Variants in PRKG1 observed in about 807,000 individuals in gnomAD.
PRKG1 encodes the protein protein kinase cGMP-dependent 1.
In PRKG1, 35 loss-of-function variants were observed where a neutral mutation model predicts 88.1. The observed-to-expected ratio is 0.40, with a 90% CI of 0.30 to 0.53. The LOEUF (loss-of-function observed/expected upper bound fraction) is 0.53. Ranked by LOEUF, PRKG1 falls within the 20% of genes least tolerant of loss-of-function variation. The pLI, the probability that PRKG1 is intolerant of heterozygous loss-of-function variation, is 0.59. For missense variants in PRKG1, 540 were observed against 839.8 expected, an observed-to-expected ratio of 0.64 and a Z score of 4.41; for synonymous variants, 303 against 292.5, an observed-to-expected ratio of 1.04 and a Z score of -0.37.
intron 3 of PRKG1, among the ~76,000 whole-genome samples, chr10:51,632,622 C>T (rs180905301): frequency 6.6e-6 from 1 of 152,276 alleles, no homozygotes; most frequent in East Asian, 1.9e-4. Flanking sequence ...TTTTCTTTCA[C>T]TGTAAGGTGT....
At chr10:51,406,540 A>G (rs1409211764) in intron 2 of PRKG1, among the ~76,000 whole-genome samples, 1 of 152,038 alleles carries the variant, frequency 6.6e-6, no homozygotes, top group Non-Finnish European at 1.5e-5. Context: ...CAGATTCTCT[A>G]TATGGAAAAA....
intron 3 of PRKG1, among the ~76,000 whole-genome samples, chr10:51,618,656 A>T (rs1839127471): frequency 1.3e-5 from 2 of 152,258 alleles, no homozygotes; most frequent in South Asian, 4.1e-4. Flanking sequence ...AGTAATATAG[A>T]GTTTTGGATT....
intron 7 of PRKG1, among the ~76,000 whole-genome samples, chr10:52,122,189 G>A (rs763564655): frequency 6.6e-6 from 1 of 152,180 alleles, no homozygotes; most frequent in African/African-American, 2.4e-5. Context: ...GTGTGCACAC[G>A]TGCAAGAGAG....
At chr10:51,608,788 A>G (rs927643141) in intron 3 of PRKG1, among the ~76,000 whole-genome samples, 2 of 152,316 alleles carry the variant, frequency 1.3e-5, no homozygotes, top group East Asian at 3.9e-4. Context: ...ATTATAATAG[A>G]GTTGAAAAAT....
At chr10:51,555,806 T>C (rs1179943510) in intron 3 of PRKG1, among the ~76,000 whole-genome samples, 1 of 151,918 alleles carries the variant, frequency 6.6e-6, no homozygotes, top group Non-Finnish European at 1.5e-5. Context: ...TACTTTTGCT[T>C]CTCTGAGTGT....
intron 5 of PRKG1, among the ~76,000 whole-genome samples, chr10:51,931,901 T>C (rs1412207516): frequency 6.6e-6 from 1 of 152,174 alleles, no homozygotes; most frequent in Non-Finnish European, 1.5e-5. Context: ...TAGTCTATTA[T>C]AGAATTCTGT....
chr10:51,858,826 A>G (rs1368543201), intron 4 of PRKG1, among the ~76,000 whole-genome samples: 2 of 152,044 alleles, frequency 1.3e-5, no homozygotes, highest in Non-Finnish European at 2.9e-5. Flanking sequence ...TTTTCCCATT[A>G]TGCCTTAAAC....
intron 10 of PRKG1, among the ~76,000 whole-genome samples, chr10:52,254,203 G>A (rs1456754118): frequency 6.6e-6 from 1 of 151,988 alleles, no homozygotes; most frequent in Non-Finnish European, 1.5e-5. Context: ...TACCATCAGA[G>A]TTAGGAGTAA....
At chr10:51,299,609 C>G (rs1020985018) in intron 2 of PRKG1, 2 of 470,184 alleles carry the variant, frequency 4.3e-6, no homozygotes, top group Non-Finnish European at 8.8e-6. Flanking sequence ...GTGCCTTCTC[C>G]TTGGGAAAAA....
At chr10:51,392,218 G>A (rs964209233) in intron 2 of PRKG1, among the ~76,000 whole-genome samples, 3 of 151,878 alleles carry the variant, frequency 2.0e-5, no homozygotes, top group Admixed American at 2.0e-4. Context: ...AATGGAGGGA[G>A]GGTCAGCAGA....
chr10:52,090,973 A>G (rs576346175), intron 7 of PRKG1, among the ~76,000 whole-genome samples: 1 of 152,122 alleles, frequency 6.6e-6, no homozygotes, highest in Non-Finnish European at 1.5e-5. Flanking sequence ...TTAGTTTTCT[A>G]TTGCTGCATA....
At chr10:51,427,458 G>C (rs1449845382) in intron 2 of PRKG1, among the ~76,000 whole-genome samples, 2 of 152,102 alleles carry the variant, frequency 1.3e-5, no homozygotes, top group African/African-American at 4.8e-5. Flanking sequence ...ATGTGTGCTG[G>C]GTAGGATATA....
chr10:51,118,102 G>A (rs932474984), intron 1 of PRKG1, among the ~76,000 whole-genome samples: 1 of 152,154 alleles, frequency 6.6e-6, no homozygotes, highest in African/African-American at 2.4e-5. Flanking sequence ...TCCTAACCCT[G>A]AGAGTCTTTG....
At chr10:51,014,374 A>G (rs1172389168) in intron 1 of PRKG1, among the ~76,000 whole-genome samples, 1 of 150,204 alleles carries the variant, frequency 6.7e-6, no homozygotes, top group African/African-American at 2.5e-5. Flanking sequence ...TCATCGCATC[A>G]GCCAACGTAA....
At chr10:52,255,399 G>A (rs976152145) in intron 10 of PRKG1, among the ~76,000 whole-genome samples, 1 of 151,954 alleles carries the variant, frequency 6.6e-6, no homozygotes, top group Non-Finnish European at 1.5e-5. Flanking sequence ...TTTTTAATAT[G>A]CCAATAATAT....
intron 2 of PRKG1, among the ~76,000 whole-genome samples, chr10:51,462,913 T>C (rs1255498869): frequency 1.3e-5 from 2 of 152,172 alleles, no homozygotes; most frequent in African/African-American, 2.4e-5. Flanking sequence ...TCTAGTAATA[T>C]ATTTTTAAAA....
rs180814337 is a variant in PRKG1 at position 52,193,367 on chromosome 10, G to A, written c.1076+31404G>A. Among the ~76,000 whole-genome samples, 3 of 150,080 alleles carry A rather than the reference G, an allele frequency of 2.0e-5. No homozygotes were observed. In the East Asian group the frequency reaches 5.8e-4, roughly 29 times the overall value. On this transcript the variant is annotated intron_variant, in intron 9 of 17. Coordinates refer to ENST00000373980, the MANE Select transcript of PRKG1 (RefSeq NM_006258.4). Reference sequence around the variant, plus strand: ...TGAGACCAGCCTGGCCAAACATGGTGAAACTCCATCTCTACTAAAAATACA... The same window carrying A: ...TGAGACCAGCCTGGCCAAACATGGTAAAACTCCATCTCTACTAAAAATACA...
chr10:51,265,773 G>C (rs1839821921), intron 2 of PRKG1, among the ~76,000 whole-genome samples: 1 of 152,156 alleles, frequency 6.6e-6, no homozygotes. Flanking sequence ...CCATGGAAGG[G>C]ACAATTGAGT....
At chr10:51,174,546 A>T (rs575564789) in intron 2 of PRKG1, among the ~76,000 whole-genome samples, 135 of 152,092 alleles carry the variant, frequency 8.9e-4, no homozygotes, top group African/African-American at 3.2e-3. Flanking sequence ...AAAAGTTTTG[A>T]TTTTTAGTCT....
Sources: gnomAD v4.1 joint callset for allele counts (sites outside exome capture counted in the v4.1 genomes callset) on GRCh38, gnomAD v4.1.1 for gene constraint, MANE v1.5 for transcripts, NCBI Gene and HGNC (gene_info 2026-07-23, HGNC 2026-07-21) for gene names.